Variants in TAOK1 observed in about 807,000 individuals in gnomAD.
TAOK1 encodes TAO kinase 1.
Under a neutral mutation model 138.3 loss-of-function variants are expected in TAOK1, and 21 were observed. The ratio of observed to expected loss-of-function variants is 0.15; its 90% CI spans 0.11 to 0.22. The LOEUF (loss-of-function observed/expected upper bound fraction) is 0.22, where lower values mean the gene tolerates loss of function less well. TAOK1 is among the 10% of genes least tolerant of loss of function. TAOK1 has a pLI of 1.00. For synonymous variants in TAOK1, 361 were observed against 398.4 expected (o/e 0.91, Z 1.12); for missense variants, 651 against 1,227.7 (o/e 0.53, Z 7.02).
chr17:29,502,614 G>C lies in TAOK1; in HGVS notation c.1229G>C (p.Gly410Ala). Residue 410 changes from glycine (G) to alanine (A), a missense_variant, in exon 13 of 20, where the codon GGA (glycine) becomes GCA (alanine). Transcript: ENST00000261716. Reference sequence around the variant, plus strand: ...GAGGAAGAAAATTACAGAGAAGAGGGAGATCCTAGAACAAGAGCATCAGAT... The same window carrying C: ...GAGGAAGAAAATTACAGAGAAGAGGCAGATCCTAGAACAAGAGCATCAGAT... ...KPEEENYREE[G>A]DPRTRASDPQ... The C allele has an allele frequency of 6.2e-7, 1 of 1,612,550 alleles. No individual in the cohort carries two copies. Among genetic ancestry groups the C allele is most frequent in the East Asian group, 2.2e-5 (1 of 44,854 alleles).
chr17:29,539,927 A>T (rs1004188724), intron 19 of TAOK1, among the ~76,000 whole-genome samples: 2 of 152,188 alleles, frequency 1.3e-5, no homozygotes, highest in African/African-American at 4.8e-5. Context: ...ATAATAACAG[A>T]TTTATAAAGT....
At chr17:29,434,069 G>A (rs900731829) in intron 1 of TAOK1, among the ~76,000 whole-genome samples, 3 of 152,100 alleles carry the variant, frequency 2.0e-5, no homozygotes, top group Non-Finnish European at 4.4e-5. Context: ...AACAAGGGGC[G>A]GGGTAAGGAG....
chr17:29,430,074 T>C (rs1205447933), intron 1 of TAOK1, among the ~76,000 whole-genome samples: 3 of 152,212 alleles, frequency 2.0e-5, no homozygotes, highest in African/African-American at 7.2e-5. Flanking sequence ...AGAGGGCTTG[T>C]ATTTTTGTCA....
intron 8 of TAOK1, among the ~76,000 whole-genome samples, chr17:29,482,490 A>G (rs1265278943): frequency 5.3e-5 from 8 of 152,122 alleles, no homozygotes; most frequent in Non-Finnish European, 1.2e-4. Flanking sequence ...GCTCTGTTCC[A>G]TTATATCTAA....
rs867440096 is a variant in TAOK1 at position 29,545,322 on chromosome 17, C to G, written c.*2300C>G. On this transcript the variant is annotated 3_prime_UTR_variant, in exon 20 of 20. Coordinates refer to ENST00000261716, the MANE Select transcript of TAOK1 (RefSeq NM_020791.4). The stretch of plus-strand genomic sequence containing the variant: ...AGAATTTAATAAAATGTCAAAAATA[C>G]AATTTGATACCCTTAAAAATTATTC... 6.6e-6 allele frequency: 1 copy of G among 152,132 alleles called. No individual in the cohort carries two copies. Among genetic ancestry groups the G allele is most frequent in the Non-Finnish European group, 1.5e-5 (1 of 68,006 alleles). The allele number at this position is 152,132 out of a possible 1,614,324, so 9.4% of individuals were successfully genotyped here.
chr17:29,405,981 A>G (rs1034198841), intron 1 of TAOK1, among the ~76,000 whole-genome samples: 2 of 152,194 alleles, frequency 1.3e-5, no homozygotes, highest in African/African-American at 2.4e-5. Context: ...CTGTGCCAGT[A>G]TACAGAAATC....
chr17:29,434,228 G>T (rs565306575), intron 1 of TAOK1, among the ~76,000 whole-genome samples: 1 of 152,268 alleles, frequency 6.6e-6, no homozygotes, highest in African/African-American at 2.4e-5. Flanking sequence ...CCAGTTTAAA[G>T]TTTGGGAAAT....
intron 1 of TAOK1, chr17:29,445,252 T>TG (rs2030049028): frequency 6.6e-6 from 1 of 152,386 alleles, no homozygotes; most frequent in African/African-American, 2.4e-5. Flanking sequence ...TGCTTATCCT[T>TG]TGAGTTGCAA....
chr17:29,404,347 A>G (rs998617036), intron 1 of TAOK1, among the ~76,000 whole-genome samples: 1 of 152,094 alleles, frequency 6.6e-6, no homozygotes, highest in African/African-American at 2.4e-5. Flanking sequence ...TATTTTTAGT[A>G]GAGACGGCTT....
intron 15 of TAOK1, chr17:29,511,916 T>TA (rs1413377241): frequency 1.3e-5 from 2 of 152,206 alleles, no homozygotes; most frequent in Non-Finnish European, 2.9e-5. Flanking sequence ...AATTTGTTTT[T>TA]ATGCCAATTT....
chr17:29,534,446 T>G, intron 19 of TAOK1, 146 bp downstream of exon 19: 1 of 742,754 alleles, frequency 1.3e-6, no homozygotes, highest in South Asian at 3.4e-5. Flanking sequence ...GCAGCAGATT[T>G]TTCTTTAAAA....
chr17:29,472,351 C>CA (rs1479847256), intron 3 of TAOK1, among the ~76,000 whole-genome samples: 3 of 147,842 alleles, frequency 2.0e-5, no homozygotes, highest in Admixed American at 6.9e-5. Flanking sequence ...CTCCCGGGTT[C>CA]AAGCGATTCT....
chr17:29,432,608 G>A (rs963532137), intron 1 of TAOK1, among the ~76,000 whole-genome samples: 8 of 152,194 alleles, frequency 5.3e-5, no homozygotes, highest in Non-Finnish European at 1.2e-4. Flanking sequence ...GGGATTACAG[G>A]CGTGAGCCAC....
rs903284531 is a variant in TAOK1, at chr17:29,533,989, A to G, written c.2362-129A>G. The G allele has an allele frequency of 1.1e-5, 11 of 964,872 alleles. No homozygotes were observed. In the Admixed American group the frequency reaches 1.9e-4, roughly 16 times the overall value. The allele number at this position is 964,872 out of a possible 1,614,324, so 59.8% of individuals were successfully genotyped here. A position where few individuals can be genotyped will look rare whatever the true frequency, so the allele number is the denominator to read the frequency against. On this transcript the variant is annotated intron_variant, in intron 18 of 19. Transcript: ENST00000261716. ...AGAGATGTTTACTCCAAGATACAAG[A>G]GAGAAAAATTGTCTAAACTAAAAAA...
At chr17:29,516,868 CA>C (rs1463265381) in intron 15 of TAOK1, among the ~76,000 whole-genome samples, 1 of 151,830 alleles carries the variant, frequency 6.6e-6, no homozygotes, top group East Asian at 1.9e-4. Context: ...GGAGTTTCAC[CA>C]AAGAGTGCAG....
rs1400194200 is a variant in TAOK1, at chr17:29,544,432, C to G, written c.*1410C>G. 1.3e-5 allele frequency: 2 copies of G among 152,476 alleles called. No individual in the cohort carries two copies. Among genetic ancestry groups the G allele is most frequent in the African/African-American group, 4.8e-5 (2 of 41,392 alleles). 9.4% of individuals were successfully genotyped at this position (152,476 alleles called of 1,614,324 possible). On this transcript the variant is annotated 3_prime_UTR_variant, in exon 20 of 20. Coordinates refer to ENST00000261716, the MANE Select transcript of TAOK1 (RefSeq NM_020791.4). ...TAGGAAACACCACTTCCACAAGTCT[C>G]AAGCCTCAGTGCTAAAGTACTACTG...
intron 13 of TAOK1, among the ~76,000 whole-genome samples, chr17:29,504,025 C>T (rs780519481): frequency 4.6e-5 from 7 of 151,422 alleles, no homozygotes; most frequent in East Asian, 1.9e-4. Context: ...GCTGGAGAAT[C>T]GCTTGAACCC....
chr17:29,478,201 T>C, intron 5 of TAOK1, 50 bp from the exon 6 acceptor site: 1 of 1,435,198 alleles, frequency 7.0e-7, no homozygotes, highest in Non-Finnish European at 9.5e-7. Context: ...GATATGTATT[T>C]TTTTAACAAA....
intron 1 of TAOK1, among the ~76,000 whole-genome samples, chr17:29,425,190 T>G (rs1326323586): frequency 6.6e-6 from 1 of 152,108 alleles, no homozygotes; most frequent in African/African-American, 2.4e-5. Flanking sequence ...CTGCCTCAGC[T>G]TTCCCAGTAG....
Sources: allele counts gnomAD v4.1 joint callset (sites outside exome capture counted in the v4.1 genomes callset), GRCh38; gene constraint gnomAD v4.1.1; transcripts MANE v1.5; gene names NCBI Gene and HGNC (gene_info 2026-07-23, HGNC 2026-07-21).